CCDC83: variants seen among roughly 807,000 people sequenced by gnomAD.
CCDC83 encodes coiled-coil domain containing 83.
In CCDC83, 54 loss-of-function variants were observed where a neutral mutation model predicts 50.1. That is an observed-to-expected ratio of 1.08 (90% CI 0.87 to 1.35). CCDC83 has a LOEUF of 1.35. Among genes scored for constraint, CCDC83 ranks in the 40% most tolerant of loss-of-function variants. CCDC83 has a pLI of 0.00. For synonymous variants in CCDC83, 161 were observed against 153.3 expected, an observed-to-expected ratio of 1.05 and a Z score of -0.37; for missense variants, 518 against 473.9, an observed-to-expected ratio of 1.09 and a Z score of -0.86.
At chr11:85,880,252 T>G (rs2093292438) in intron 3 of CCDC83, among the ~76,000 whole-genome samples, 1 of 152,158 alleles carries the variant, frequency 6.6e-6, no homozygotes, top group Non-Finnish European at 1.5e-5. Context: ...GATATGTTTC[T>G]CCATTTATTT....
At chr11:85,864,631 T>G (rs1158057283) in intron 1 of CCDC83, among the ~76,000 whole-genome samples, 1 of 152,226 alleles carries the variant, frequency 6.6e-6, no homozygotes, top group East Asian at 1.9e-4. Context: ...CCTAATTTTT[T>G]TGGATCCTGA....
intron 4 of CCDC83, among the ~76,000 whole-genome samples, chr11:85,884,848 C>T (rs1228447108): frequency 6.6e-6 from 1 of 152,200 alleles, no homozygotes; most frequent in African/African-American, 2.4e-5. Context: ...AACAACTACC[C>T]ATCTGGCTTA....
chr11:85,869,249 G>A (rs923430862), intron 2 of CCDC83, among the ~76,000 whole-genome samples: 5 of 152,052 alleles, frequency 3.3e-5, no homozygotes, highest in South Asian at 4.1e-4. Context: ...ACTCTTTCCC[G>A]GAACATAAGG....
intron 7 of CCDC83, among the ~76,000 whole-genome samples, chr11:85,907,199 G>T (rs895432201): frequency 1.3e-5 from 2 of 152,062 alleles, no homozygotes; most frequent in African/African-American, 4.8e-5. Context: ...AAATCACTGG[G>T]AAGGCTACAC....
At chr11:85,864,939 G>T (rs1014543187) in intron 1 of CCDC83, among the ~76,000 whole-genome samples, 157 bp from the exon 2 acceptor site, 2 of 152,186 alleles carry the variant, frequency 1.3e-5, no homozygotes, top group African/African-American at 2.4e-5. Flanking sequence ...ATCATTTCAT[G>T]ATGTTCCACC....
chr11:85,899,890 C>T (rs750187485), intron 7 of CCDC83, among the ~76,000 whole-genome samples: 1 of 151,992 alleles, frequency 6.6e-6, no homozygotes, highest in Non-Finnish European at 1.5e-5. Flanking sequence ...TGCATCCTAC[C>T]TCTCCTGAGG....
At chr11:85,917,160 GAGAGAGAGAA>G (rs1438901342) in intron 10 of CCDC83, among the ~76,000 whole-genome samples, 5 of 97,496 alleles carry the variant, frequency 5.1e-5, no homozygotes, top group African/African-American at 8.5e-5. Flanking sequence ...GAGAGAGAGA[GAGAGAGAGAA>G]AGAAAGAAAG....
At chr11:85,875,097 G>A (rs977639998) in intron 3 of CCDC83, among the ~76,000 whole-genome samples, 1 of 152,210 alleles carries the variant, frequency 6.6e-6, no homozygotes, top group African/African-American at 2.4e-5. Flanking sequence ...CCAAAGGCAG[G>A]AAAGTTCCCA....
At position 85,882,618 on chromosome 11, in the gene CCDC83, G is replaced by C. The variant is rs772127205; in HGVS notation, c.286G>C (p.Glu96Gln). 3.7e-6 allele frequency: 6 copies of C among 1,614,072 alleles called. No homozygotes were observed. Among genetic ancestry groups the C allele is most frequent in the Middle Eastern group, 1.7e-4 (1 of 6,060 alleles). The change falls in exon 4 of 11, where the codon GAA (glutamate) becomes CAA (glutamine). Residue 96 changes from glutamate (E) to glutamine (Q), a missense_variant. Transcript: ENST00000342404. ...GCCAGTTGTAACAAGAGAGGATGTT[G>C]AAGAAGCGATGAAGGAAAAATGGAA... ...GLPVVTREDV[E>Q]EAMKEKWKFE...
intron 8 of CCDC83, among the ~76,000 whole-genome samples, chr11:85,915,142 G>A (rs1176730801): frequency 6.6e-6 from 1 of 152,126 alleles, no homozygotes; most frequent in Non-Finnish European, 1.5e-5. Flanking sequence ...TTTCATCCAG[G>A]AAAACTTTCC....
intron 1 of CCDC83, among the ~76,000 whole-genome samples, chr11:85,863,402 T>G (rs2093188996): frequency 6.6e-6 from 1 of 152,238 alleles, no homozygotes; most frequent in Non-Finnish European, 1.5e-5. Context: ...GCCTATTAAA[T>G]TATTCTCAAT....
At chr11:85,856,182 G>GT (rs1441119267) in intron 1 of CCDC83, among the ~76,000 whole-genome samples, 8 of 94,164 alleles carry the variant, frequency 8.5e-5, no homozygotes, top group Non-Finnish European at 1.7e-4. Context: ...CCCTATCTAA[G>GT]CCAAAAAAAA....
At chr11:85,901,964 A>G (rs137886971) in intron 7 of CCDC83, among the ~76,000 whole-genome samples, 1 of 152,034 alleles carries the variant, frequency 6.6e-6, no homozygotes, top group Non-Finnish European at 1.5e-5. Flanking sequence ...CCAGGAGGTC[A>G]AGGCTGCAGT....
At chr11:85,860,194 C>G (rs145920246) in intron 1 of CCDC83, among the ~76,000 whole-genome samples, 1 of 148,816 alleles carries the variant, frequency 6.7e-6, no homozygotes, top group African/African-American at 2.5e-5. Flanking sequence ...CCCAGCTACT[C>G]GGGAGGCTGA....
chr11:85,897,564 T>C (rs911916080), intron 6 of CCDC83, among the ~76,000 whole-genome samples: 15 of 152,274 alleles, frequency 9.9e-5, no homozygotes, highest in South Asian at 4.1e-4. Context: ...AAGGCTGATA[T>C]ATTGCCCTGG....
At chr11:85,879,141 C>T (rs1283215160) in intron 3 of CCDC83, among the ~76,000 whole-genome samples, 3 of 152,126 alleles carry the variant, frequency 2.0e-5, no homozygotes, top group Non-Finnish European at 1.5e-5. Context: ...TTAATGAAGT[C>T]CAGTTTATCA....
intron 7 of CCDC83, 77 bp downstream of exon 7, chr11:85,899,092 G>C: frequency 1.9e-6 from 2 of 1,061,008 alleles, no homozygotes; most frequent in South Asian, 2.7e-5. Context: ...ATTATGAACT[G>C]AAGTCATGGG....
chr11:85,910,152 T>A (rs1412092397), intron 7 of CCDC83, among the ~76,000 whole-genome samples: 2 of 152,338 alleles, frequency 1.3e-5, no homozygotes, highest in Non-Finnish European at 2.9e-5. Context: ...CTTCTATTAA[T>A]GCTCCCTTAT....
chr11:85,858,604 G>A (rs2093156526), intron 1 of CCDC83, among the ~76,000 whole-genome samples: 1 of 152,190 alleles, frequency 6.6e-6, no homozygotes, highest in Admixed American at 6.5e-5. Flanking sequence ...CATGATAGGG[G>A]TACAAGGGAG....
Sources: allele counts gnomAD v4.1 joint callset (sites outside exome capture counted in the v4.1 genomes callset), GRCh38; gene constraint gnomAD v4.1.1; transcripts MANE v1.5; gene names NCBI Gene and HGNC (gene_info 2026-07-23, HGNC 2026-07-21).